Variants in POLN observed in about 807,000 individuals in gnomAD.
POLN encodes DNA polymerase nu.
In POLN, 108 loss-of-function variants were observed where a neutral mutation model predicts 113.5. That is an observed-to-expected ratio of 0.95 (90% CI 0.81 to 1.12). The LOEUF (loss-of-function observed/expected upper bound fraction) is 1.12. POLN is among the 50% of genes most tolerant of loss of function. The pLI is 0.00. For synonymous variants in POLN, 386 were observed against 391.5 expected (o/e 0.99, Z 0.17); for missense variants, 1,097 against 1,077.1 (o/e 1.02, Z -0.26).
At chr4:2,203,386 C>A (rs1733763402) in intron 5 of POLN, among the ~76,000 whole-genome samples, 1 of 151,666 alleles carries the variant, frequency 6.6e-6, no homozygotes, top group Non-Finnish European at 1.5e-5. Context: ...TCGAGACCAT[C>A]CTGGCCAACA....
At chr4:2,153,876 A>G (rs928437565) in intron 16 of POLN, among the ~76,000 whole-genome samples, 10 of 151,574 alleles carry the variant, frequency 6.6e-5, no homozygotes, top group African/African-American at 2.4e-4. Context: ...GAGCCACTGC[A>G]CCCGGCTGTT....
At chr4:2,143,233 C>T (rs1030615101) in intron 16 of POLN, among the ~76,000 whole-genome samples, 16 of 134,826 alleles carry the variant, frequency 1.2e-4, no homozygotes, top group East Asian at 4.2e-4. Flanking sequence ...ATATGGAAAT[C>T]GATAAATTGA....
At chr4:2,079,279 T>C in intron 23 of POLN, 2 of 417,552 alleles carry the variant, frequency 4.8e-6, no homozygotes, top group Non-Finnish European at 6.4e-6. Context: ...AGGACCACCA[T>C]TTGGCTTTCA....
intron 16 of POLN, 142 bp downstream of exon 16, chr4:2,156,646 T>A (rs906626335): frequency 1.4e-6 from 1 of 714,876 alleles, no homozygotes; most frequent in Non-Finnish European, 2.5e-6. Flanking sequence ...GTTCTCAGAA[T>A]AAACAGAATA....
chr4:2,196,465 G>A (rs915844072), intron 6 of POLN, among the ~76,000 whole-genome samples: 3 of 152,184 alleles, frequency 2.0e-5, no homozygotes, highest in Admixed American at 6.5e-5. Context: ...CCAAGATAGG[G>A]AGAGGGGCTG....
chr4:2,087,072 C>T (rs187450205), intron 20 of POLN, among the ~76,000 whole-genome samples: 59 of 152,294 alleles, frequency 3.9e-4, no homozygotes, highest in African/African-American at 1.4e-3. Flanking sequence ...TGTTTGCTTC[C>T]ATTGCTTTGT....
chr4:2,146,427 C>T (rs1452588358), intron 16 of POLN, among the ~76,000 whole-genome samples: 1 of 152,210 alleles, frequency 6.6e-6, no homozygotes, highest in Non-Finnish European at 1.5e-5. Context: ...ATTGCTTGAA[C>T]CCAGGAGGCG....
chr4:2,090,256 C>T (rs1333879463), intron 20 of POLN: 2 of 801,072 alleles, frequency 2.5e-6, no homozygotes, highest in Non-Finnish European at 4.2e-6. Flanking sequence ...CTATCTTGTT[C>T]CAGAACCTCT....
intron 20 of POLN, among the ~76,000 whole-genome samples, chr4:2,086,199 A>G (rs1348515426): frequency 6.6e-6 from 1 of 152,188 alleles, no homozygotes; most frequent in Non-Finnish European, 1.5e-5. Flanking sequence ...GGGGCCAGGC[A>G]TGTGGTGGCT....
At chr4:2,211,788 G>C (rs1255535003) in intron 4 of POLN, among the ~76,000 whole-genome samples, 1 of 152,080 alleles carries the variant, frequency 6.6e-6, no homozygotes, top group Non-Finnish European at 1.5e-5. Flanking sequence ...ACTCCACCCT[G>C]GGTGACAGAG....
chr4:2,174,727 G>T lies in POLN; in HGVS notation c.1273C>A (p.Arg425Ser). The change falls in exon 10 of 26, where the codon CGT becomes AGT. Residue 425 changes from arginine to serine, a missense_variant. Transcript: ENST00000511885. ...GGTATCAGAGGAAGCTCCAAAGTAC[G>T]AAATAGTTGCCATAAACCATAATCC... ...LKDYGLWQLF[R>S]TLELPLIPIL... is the part of the protein sequence containing the mutation. The T allele has an allele frequency of 6.2e-7, 1 of 1,607,938 alleles. No homozygotes were observed. Among genetic ancestry groups the T allele is most frequent in the African/African-American group, 1.3e-5 (1 of 74,522 alleles).
At chr4:2,158,042 C>T in intron 14 of POLN, 131 bp from the exon 15 acceptor site, 2 of 510,890 alleles carry the variant, frequency 3.9e-6, no homozygotes, top group Non-Finnish European at 7.0e-6. Flanking sequence ...ACTTCTGCCT[C>T]CTGGGGTCAA....
chr4:2,238,711 T>C (rs1460330132), intron 2 of POLN: 2 of 1,613,488 alleles, frequency 1.2e-6, no homozygotes, highest in African/African-American at 1.3e-5. Context: ...TCATGTTACT[T>C]TGACTAAGTT....
chr4:2,077,488 G>A (rs1286487559), intron 23 of POLN, among the ~76,000 whole-genome samples: 1 of 152,196 alleles, frequency 6.6e-6, no homozygotes, highest in African/African-American at 2.4e-5. Flanking sequence ...TGCAGCCTCT[G>A]GCCAGGGGCC....
At chr4:2,086,046 G>A (rs773536082) in intron 20 of POLN, among the ~76,000 whole-genome samples, 1 of 152,194 alleles carries the variant, frequency 6.6e-6, no homozygotes. Context: ...CCAGAACTGC[G>A]GAGGTTAGAG....
At chr4:2,170,915 C>A (rs910089734) in intron 12 of POLN, 141 bp from the exon 13 acceptor site, 24 of 935,310 alleles carry the variant, frequency 2.6e-5, no homozygotes, top group Non-Finnish European at 3.6e-5. Flanking sequence ...TCATTTAGTA[C>A]TTTTCTACAA....
intron 19 of POLN, among the ~76,000 whole-genome samples, chr4:2,106,883 T>C (rs1446707564): frequency 6.6e-6 from 1 of 152,174 alleles, no homozygotes; most frequent in Non-Finnish European, 1.5e-5. Context: ...TGCATTATTT[T>C]TGCATCATAA....
At chr4:2,161,871 C>G (rs895192947) in intron 13 of POLN, among the ~76,000 whole-genome samples, 9 of 152,128 alleles carry the variant, frequency 5.9e-5, no homozygotes, top group Non-Finnish European at 1.2e-4. Context: ...GTGAATGCAC[C>G]AATTGACGCT....
At chr4:2,198,130 A>G (rs551605883) in intron 6 of POLN, among the ~76,000 whole-genome samples, 3 of 152,318 alleles carry the variant, frequency 2.0e-5, no homozygotes, top group African/African-American at 7.2e-5. Context: ...TATTAAGGAC[A>G]ATTTATTGTT....
Sources: gnomAD v4.1 joint callset for allele counts (sites outside exome capture counted in the v4.1 genomes callset) on GRCh38, gnomAD v4.1.1 for gene constraint, MANE v1.5 for transcripts, NCBI Gene and HGNC (gene_info 2026-07-23, HGNC 2026-07-21) for gene names.